Variants in PCDHGB3 observed in about 807,000 individuals in gnomAD.
PCDHGB3 encodes protocadherin gamma subfamily B, 3, also known as protocadherin gamma-B3.
In PCDHGB3, 40 loss-of-function variants were observed where a neutral mutation model predicts 59.2. That is an observed-to-expected ratio of 0.68 (90% CI 0.52 to 0.88). The LOEUF (loss-of-function observed/expected upper bound fraction) is 0.88. PCDHGB3 is among the 40% of genes least tolerant of loss of function. PCDHGB3 has a pLI of 0.00. For missense variants in PCDHGB3, 1,309 were observed against 1,187.9 expected, an observed-to-expected ratio of 1.10 and a Z score of -1.50; for synonymous variants, 581 against 503.6, an observed-to-expected ratio of 1.15 and a Z score of -2.06.
intron 1 of PCDHGB3, among the ~76,000 whole-genome samples, chr5:141,472,245 T>A (rs1217786736): frequency 6.6e-6 from 1 of 152,144 alleles, no homozygotes; most frequent in East Asian, 1.9e-4. Context: ...ACTTTCTATT[T>A]TAAAGTTATA....
chr5:141,372,514 T>C lies in PCDHGB3; in HGVS notation c.2120T>C (p.Val707Ala). ...ATCTCAGTGCTCTTCCTCCTCGCGG[T>C]GATTCTGGCAATCTCCCTGCGCCTG... ...ALISVLFLLAVILAISLRLRC... is the reference protein window; with the variant it reads ...ALISVLFLLAAILAISLRLRC... The change falls in exon 1 of 4, where the codon GTG (valine) becomes GCG (alanine). Residue 707 changes from valine to alanine, a missense_variant. Coordinates refer to ENST00000576222, the MANE Select transcript of PCDHGB3 (RefSeq NM_018924.5). 5 of 1,614,028 alleles carry C rather than the reference T, an allele frequency of 3.1e-6. No individual in the cohort carries two copies. The South Asian group carries it at 4.4e-5, about 14-fold the overall frequency.
chr5:141,415,536 G>A (rs1561758201), intron 1 of PCDHGB3: 1 of 1,614,150 alleles, frequency 6.2e-7, no homozygotes, highest in Non-Finnish European at 8.5e-7. Flanking sequence ...TCAGCCAGGA[G>A]AGCTGTGAGA....
chr5:141,374,464 T>C, intron 1 of PCDHGB3: 1 of 1,613,434 alleles, frequency 6.2e-7, no homozygotes, highest in Non-Finnish European at 8.5e-7. Flanking sequence ...TGGACATTAA[T>C]GACAATACAC....
At chr5:141,394,845 C>G (rs2093112269) in intron 1 of PCDHGB3, 20 of 1,613,866 alleles carry the variant, frequency 1.2e-5, no homozygotes, top group Non-Finnish European at 1.7e-5. Flanking sequence ...GTTGGGCAGT[C>G]TGAAGCCTTC....
At chr5:141,482,074 A>G (rs1349748840) in intron 1 of PCDHGB3, among the ~76,000 whole-genome samples, 2 of 142,830 alleles carry the variant, frequency 1.4e-5, no homozygotes, top group Non-Finnish European at 3.0e-5. Context: ...AACAAGAACA[A>G]AACTCACTCC....
chr5:141,428,618 T>G (rs554092834), intron 1 of PCDHGB3: 12 of 206,130 alleles, frequency 5.8e-5, no homozygotes, highest in Admixed American at 2.6e-4. Context: ...AATAACAAGA[T>G]AAGCTCTAAC....
intron 1 of PCDHGB3, chr5:141,375,646 C>G (rs765389165): frequency 1.2e-6 from 2 of 1,614,228 alleles, no homozygotes; most frequent in Non-Finnish European, 1.7e-6. Flanking sequence ...GCTCCTTCGA[C>G]TATGAGCAGT....
At chr5:141,419,886 G>C (rs1195529127) in intron 1 of PCDHGB3, 1 of 1,614,076 alleles carries the variant, frequency 6.2e-7, no homozygotes, top group Non-Finnish European at 8.5e-7. Context: ...CCGGATTTCA[G>C]CGACCATCCC....
rs188827871 is a variant in PCDHGB3, at chr5:141,405,107, T to G, written c.2415+32298T>G. 137 of 1,613,998 alleles carry G rather than the reference T, an allele frequency of 8.5e-5. No homozygotes were observed. The Middle Eastern group carries it at 1.3e-3, about 16-fold the overall frequency. On this transcript the variant is annotated intron_variant, in intron 1 of 3. Coordinates refer to ENST00000576222, the MANE Select transcript of PCDHGB3 (RefSeq NM_018924.5). ...GCTGCTGGCCCTCAGGCTGAGGCAC[T>G]GGCACTCCTCGCATCTGCTGCGGGC...
Position 141,431,349 on chromosome 5 carries a change from A to G in PCDHGB3, c.2415+58540A>G. 1.2e-6 allele frequency: 2 copies of G among 1,614,026 alleles called. No individual in the cohort carries two copies. The highest frequency in any genetic ancestry group is 4.5e-5 in the East Asian group (2 of 44,874). On this transcript the variant is annotated intron_variant, in intron 1 of 3. Coordinates refer to ENST00000576222, the MANE Select transcript of PCDHGB3 (RefSeq NM_018924.5). This position sits in a 1 kb window ranked among gnomAD's most constrained non-coding sequence, Gnocchi z 4.8. ...AGTAAGTACCCCGAATTGGTGCTGAAACGCGCCCTGGACCGCGAAGAAAAG... is the reference window on the plus strand; with the variant it reads ...AGTAAGTACCCCGAATTGGTGCTGAGACGCGCCCTGGACCGCGAAGAAAAG...
chr5:141,433,823 G>T (rs555746621), intron 1 of PCDHGB3, among the ~76,000 whole-genome samples: 2 of 144,288 alleles, frequency 1.4e-5, no homozygotes, highest in Non-Finnish European at 3.0e-5. Context: ...GGCAACAAGA[G>T]TGAAACTCTA....
chr5:141,439,625 CCA>C (rs1281773200), intron 1 of PCDHGB3, among the ~76,000 whole-genome samples: 1 of 152,150 alleles, frequency 6.6e-6, no homozygotes, highest in African/African-American at 2.4e-5. Flanking sequence ...GAGCCAATCC[CCA>C]GACATTCCGG....
intron 1 of PCDHGB3, among the ~76,000 whole-genome samples, chr5:141,454,658 G>T (rs961640658): frequency 1.3e-5 from 2 of 151,812 alleles, no homozygotes; most frequent in Non-Finnish European, 2.9e-5. Flanking sequence ...TGCCCACCTC[G>T]GCCTCCCAAA....
chr5:141,485,867 G>A lies in PCDHGB3; in HGVS notation c.2416-8940G>A. On this transcript the variant is annotated intron_variant, in intron 1 of 3. Coordinates refer to ENST00000576222, the MANE Select transcript of PCDHGB3 (RefSeq NM_018924.5). The surrounding 1 kb of genome is among the most constrained non-coding windows in gnomAD (Gnocchi z 5.7). ...TGGCACCGCAGAGCTCCGGGTATCC[G>A]TGCTGGACGTAAACGACAACGCCCC... The A allele has an allele frequency of 1.9e-6, 3 of 1,614,164 alleles. No homozygotes were observed. Among genetic ancestry groups the A allele is most frequent in the Non-Finnish European group, 8.5e-7 (1 of 1,180,040 alleles).
At chr5:141,470,602 G>A (rs1004044883) in intron 1 of PCDHGB3, among the ~76,000 whole-genome samples, 1 of 152,268 alleles carries the variant, frequency 6.6e-6, no homozygotes, top group South Asian at 2.1e-4. Flanking sequence ...ACCTGTGCGG[G>A]GACACAGGGC....
intron 1 of PCDHGB3, chr5:141,441,550 G>C (rs2098254247): frequency 5.4e-6 from 1 of 184,034 alleles, no homozygotes; most frequent in Non-Finnish European, 1.1e-5. Context: ...AGCCTCCATA[G>C]TGTGCAAGTA....
At chr5:141,416,794 G>A (rs1002101061) in intron 1 of PCDHGB3, 1 of 152,070 alleles carries the variant, frequency 6.6e-6, no homozygotes, top group East Asian at 1.9e-4. Flanking sequence ...ACTAAATGTG[G>A]TAGTATAAAG....
rs199514730 is a variant in PCDHGB3 at position 141,374,139 on chromosome 5, T to C, written c.2415+1330T>C. 615 of 1,609,262 alleles carry C rather than the reference T, an allele frequency of 3.8e-4. No individual in the cohort carries two copies. Among genetic ancestry groups the C allele is most frequent in the Non-Finnish European group, 4.6e-4 (547 of 1,177,006 alleles). ...AGCGAGCAGGTCCTGCTCCTCACGC[T>C]CCTGGGGACGCTGTGGGGGGCCGCG... On this transcript the variant is annotated intron_variant, in intron 1 of 3. Transcript: ENST00000576222.
chr5:141,489,425 G>A lies in PCDHGB3; in HGVS notation c.2416-5382G>A, dbSNP rs779739693. 18 of 1,614,000 alleles carry A rather than the reference G, an allele frequency of 1.1e-5. No homozygotes were observed. Among genetic ancestry groups the A allele is most frequent in the South Asian group, 5.5e-5 (5 of 91,074 alleles). The stretch of plus-strand genomic sequence containing the variant: ...TTAAAGATGACAGATCTGTTGAGCC[G>A]GCGGCTGCAATTGGGCTCTGAGGAG... On this transcript the variant is annotated intron_variant, in intron 1 of 3. Transcript: ENST00000576222. This position sits in a 1 kb window ranked among gnomAD's most constrained non-coding sequence, Gnocchi z 4.5.
Sources: gnomAD v4.1 joint callset for allele counts (sites outside exome capture counted in the v4.1 genomes callset) on GRCh38, gnomAD v4.1.1 for gene constraint, Gnocchi (gnomAD v3.1) non-coding constraint, MANE v1.5 for transcripts, NCBI Gene and HGNC (gene_info 2026-07-23, HGNC 2026-07-21) for gene names.